SPTLC3: variants seen among roughly 807,000 people sequenced by gnomAD.
SPTLC3 encodes the protein serine palmitoyltransferase 3.
In SPTLC3, 36 loss-of-function variants were observed where a neutral mutation model predicts 59.3. The ratio of observed to expected loss-of-function variants is 0.61; its 90% confidence interval spans 0.47 to 0.80. The LOEUF is 0.80. Ranked by LOEUF, SPTLC3 falls within the 30% of genes least tolerant of loss-of-function variation. The pLI is 0.00. For missense variants in SPTLC3, 625 were observed against 685.1 expected, an observed-to-expected ratio of 0.91 and a Z score of 0.98; for synonymous variants, 257 against 240.8, an observed-to-expected ratio of 1.07 and a Z score of -0.62.
At chr20:13,127,909 A>G in intron 9 of SPTLC3, among the ~76,000 whole-genome samples, 1 of 152,112 alleles carries the variant, frequency 6.6e-6, no homozygotes, top group Non-Finnish European at 1.5e-5. Flanking sequence ...AGTCCAGTCT[A>G]GGAAGCCCTT....
chr20:13,023,973 G>A (rs1338092099), intron 1 of SPTLC3, among the ~76,000 whole-genome samples: 5 of 152,130 alleles, frequency 3.3e-5, no homozygotes, highest in Admixed American at 2.0e-4. Flanking sequence ...TCTCAGAGTC[G>A]AGTGTCCAAG....
chr20:13,094,885 T>C (rs1989359542), intron 6 of SPTLC3, among the ~76,000 whole-genome samples: 1 of 152,206 alleles, frequency 6.6e-6, no homozygotes, highest in South Asian at 2.1e-4. Flanking sequence ...AGGGTGGCTA[T>C]AACATCTGGC....
At position 13,084,093 on chromosome 20, in the gene SPTLC3, C is replaced by T. The variant is rs142725593; in HGVS notation, c.608-6990C>T. On this transcript the variant is annotated intron_variant, in intron 4 of 11. Coordinates refer to ENST00000399002, the MANE Select transcript of SPTLC3 (RefSeq NM_018327.4). The stretch of plus-strand genomic sequence containing the variant: ...CTCTCTGCTTCGCATACCTTGATTC[C>T]TCTCCTTTGAGTACTCCTAATGGAA... Among the ~76,000 whole-genome samples, 993 of 152,290 alleles carry T rather than the reference C, an allele frequency of 6.5e-3. 12 individuals carry two copies. Among genetic ancestry groups the T allele is most frequent in the Middle Eastern group, 0.065 (19 of 294 alleles).
At chr20:13,028,636 A>G (rs1023929821) in intron 1 of SPTLC3, among the ~76,000 whole-genome samples, 13 of 152,152 alleles carry the variant, frequency 8.5e-5, no homozygotes, top group African/African-American at 3.1e-4. Context: ...ACATGTCTTT[A>G]AAGTGTTATA....
At position 13,164,912 on chromosome 20, in the gene SPTLC3, C is replaced by T; in HGVS notation, c.*45C>T. On this transcript the variant is annotated 3_prime_UTR_variant, in exon 12 of 12. Coordinates refer to ENST00000399002, the MANE Select transcript of SPTLC3 (RefSeq NM_018327.4). ...CACATAAAGACTTTGCGAGAAAGAC[C>T]TCCCTCCTTGCCTCACAAGGAATAT... The T allele has an allele frequency of 6.7e-7, 1 of 1,490,026 alleles. No individual in the cohort carries two copies. The highest frequency in any genetic ancestry group is 2.4e-5 in the East Asian group (1 of 42,490). 92.3% of individuals were successfully genotyped at this position (1,490,026 alleles called of 1,614,324 possible). A position where few individuals can be genotyped will look rare whatever the true frequency, so the allele number is the denominator to read the frequency against.
At chr20:13,030,135 G>A (rs1986362661) in intron 1 of SPTLC3, among the ~76,000 whole-genome samples, 1 of 152,162 alleles carries the variant, frequency 6.6e-6, no homozygotes, top group Non-Finnish European at 1.5e-5. Flanking sequence ...GTGCCTCCAG[G>A]AGCCCCACCC....
rs556719722 is a variant in SPTLC3, at chr20:13,117,499, G to A, written c.933-7G>A. On this transcript the variant is annotated splice_polypyrimidine_tract_variant and splice_region_variant and intron_variant, in intron 7 of 11. Transcript: ENST00000399002. ...GTTAGTTATGAGCATTTCTCCTTCT[G>A]CCCTAGCATGGAAGGTTCCATCGTG... is the stretch of plus-strand genomic sequence containing the variant. 7.0e-6 allele frequency: 11 copies of A among 1,571,566 alleles called. No individual in the cohort carries two copies. The highest frequency in any genetic ancestry group is 6.9e-6 in the Non-Finnish European group (8 of 1,159,700).
At chr20:13,070,033 GA>G (rs1053428391) in intron 2 of SPTLC3, among the ~76,000 whole-genome samples, 5 of 152,022 alleles carry the variant, frequency 3.3e-5, no homozygotes, top group South Asian at 2.1e-4. Flanking sequence ...TAAACAGTCT[GA>G]AAAAAATGTA....
At chr20:13,081,940 G>A (rs1483701687) in intron 4 of SPTLC3, among the ~76,000 whole-genome samples, 1 of 152,144 alleles carries the variant, frequency 6.6e-6, no homozygotes, top group Non-Finnish European at 1.5e-5. Context: ...AAGCCTTTTG[G>A]CAATTTCCTG....
chr20:13,051,162 A>T (rs1442089218), intron 2 of SPTLC3: 1 of 152,228 alleles, frequency 6.6e-6, no homozygotes, highest in African/African-American at 2.4e-5. Flanking sequence ...AATGGGTAAG[A>T]ACTCACCAAC....
chr20:13,159,758 G>A (rs2038853564), intron 10 of SPTLC3, among the ~76,000 whole-genome samples: 1 of 152,042 alleles, frequency 6.6e-6, no homozygotes, highest in Non-Finnish European at 1.5e-5. Context: ...ATTATCTAAT[G>A]AGTGTGTCAG....
intron 2 of SPTLC3, among the ~76,000 whole-genome samples, chr20:13,071,180 C>A (rs1218378267): frequency 6.6e-6 from 1 of 152,208 alleles, no homozygotes; most frequent in African/African-American, 2.4e-5. Flanking sequence ...CCTAAGAAAA[C>A]CTTGCCATGA....
intron 2 of SPTLC3, among the ~76,000 whole-genome samples, chr20:13,052,790 G>A (rs1160890377): frequency 6.6e-6 from 1 of 152,148 alleles, no homozygotes; most frequent in Non-Finnish European, 1.5e-5. Context: ...TTCAAATTAG[G>A]TGGAGTACAC....
At chr20:13,070,103 C>T (rs1009436922) in intron 2 of SPTLC3, among the ~76,000 whole-genome samples, 1 of 139,696 alleles carries the variant, frequency 7.2e-6, no homozygotes, top group Non-Finnish European at 1.5e-5. Context: ...AATCTTGTAG[C>T]CTCAAAAAAT....
At chr20:13,025,703 A>G (rs1336251355) in intron 1 of SPTLC3, among the ~76,000 whole-genome samples, 3 of 152,174 alleles carry the variant, frequency 2.0e-5, no homozygotes, top group Non-Finnish European at 2.9e-5. Context: ...AAGAGGTTGC[A>G]TATTGGTTGA....
chr20:13,137,448 T>G (rs1484453595), intron 9 of SPTLC3, among the ~76,000 whole-genome samples: 1 of 152,186 alleles, frequency 6.6e-6, no homozygotes, highest in Non-Finnish European at 1.5e-5. Flanking sequence ...GATTTTTTAT[T>G]CATATTTGGT....
intron 1 of SPTLC3, among the ~76,000 whole-genome samples, chr20:13,046,315 T>C (rs1371713939): frequency 6.6e-6 from 1 of 152,216 alleles, no homozygotes; most frequent in Non-Finnish European, 1.5e-5. Context: ...TGGGAATTTA[T>C]GCAGGCAATC....
intron 1 of SPTLC3, among the ~76,000 whole-genome samples, chr20:13,036,726 G>A (rs749618490): frequency 1.3e-5 from 2 of 152,050 alleles, no homozygotes; most frequent in Non-Finnish European, 2.9e-5. Flanking sequence ...TAACCAATCA[G>A]AGTTGATTTG....
In SPTLC3 at chr20:13,117,980, GCAAAGTAC is replaced by G. The variant is rs531959633; in HGVS notation, c.1152+258_1152+265del. 3.4e-3 allele frequency among the ~76,000 whole-genome samples: 515 copies of G among 152,222 alleles called. 2 individuals carry two copies. Among genetic ancestry groups the G allele is most frequent in the Non-Finnish European group, 6.1e-3 (416 of 68,006 alleles). ...GCAACACTGGCCGTGTACATAAGAT[GCAAAGTAC>G]CAGGCAGAGGAATAATTAACTCTGT... On this transcript the variant is annotated intron_variant, in intron 8 of 11. Transcript: ENST00000399002.
Sources: gnomAD v4.1 joint callset for allele counts (sites outside exome capture counted in the v4.1 genomes callset) on GRCh38, gnomAD v4.1.1 for gene constraint, MANE v1.5 for transcripts, NCBI Gene and HGNC (gene_info 2026-07-23, HGNC 2026-07-21) for gene names.